CRPPA: variants seen among roughly 807,000 people sequenced by gnomAD.
The protein encoded by CRPPA is CDP-L-ribitol pyrophosphorylase A, also known as D-ribitol-5-phosphate cytidylyltransferase.
A neutral mutation model predicts 52.0 loss-of-function variants in CRPPA; 43 were observed. The observed-to-expected ratio is 0.83, with a 90% CI of 0.65 to 1.07. The LOEUF is 1.07. Among genes scored for constraint, CRPPA ranks in the 50% least tolerant of loss-of-function variants. The pLI, the probability that CRPPA is intolerant of heterozygous loss-of-function variation, is 0.00. For synonymous variants in CRPPA, 250 were observed against 203.5 expected, an observed-to-expected ratio of 1.23 and a Z score of -1.94; for missense variants, 629 against 551.7, an observed-to-expected ratio of 1.14 and a Z score of -1.40.
chr7:16,303,635 G>C (rs10255803), intron 4 of CRPPA, among the ~76,000 whole-genome samples: 1 of 151,860 alleles, frequency 6.6e-6, no homozygotes, highest in Non-Finnish European at 1.5e-5. Flanking sequence ...ATTAGGTATA[G>C]ATTTTTCAGA....
intron 8 of CRPPA, among the ~76,000 whole-genome samples, chr7:16,242,094 A>G (rs1402585076): frequency 6.6e-6 from 1 of 151,212 alleles, no homozygotes; most frequent in Admixed American, 6.6e-5. Context: ...GGATGGAACT[A>G]CAGGCACCCG....
intron 8 of CRPPA, among the ~76,000 whole-genome samples, chr7:16,239,981 G>C (rs1783061839): frequency 6.6e-6 from 1 of 151,928 alleles, no homozygotes; most frequent in African/African-American, 2.4e-5. Flanking sequence ...ATGAATACTA[G>C]CGAGGTATGC....
At chr7:16,211,627 C>A (rs1782143824) in intron 9 of CRPPA, among the ~76,000 whole-genome samples, 1 of 152,094 alleles carries the variant, frequency 6.6e-6, no homozygotes, top group Non-Finnish European at 1.5e-5. Context: ...CATTTGTTCT[C>A]CAAAGGATCA....
At position 16,089,649 on chromosome 7, in the gene CRPPA, A is replaced by G. The variant is rs1383934893; in HGVS notation, c.*2046T>C. 1 of 200,362 alleles carries G rather than the reference A, an allele frequency of 5.0e-6. No individual in the cohort carries two copies. The highest frequency in any genetic ancestry group is 1.1e-4 in the East Asian group (1 of 8,934). 12.4% of individuals were successfully genotyped at this position (200,362 alleles called of 1,614,324 possible). A position where few individuals can be genotyped will look rare whatever the true frequency, so the allele number is the denominator to read the frequency against. On this transcript the variant is annotated 3_prime_UTR_variant, in exon 10 of 10. Transcript: ENST00000407010. Reference sequence around the variant, plus strand: ...TGTATGTATGTATTTTTTTTTCCCAATGCTGTGAATTGCTTTGCCTGCTAT... The same window carrying G: ...TGTATGTATGTATTTTTTTTTCCCAGTGCTGTGAATTGCTTTGCCTGCTAT...
intron 3 of CRPPA, among the ~76,000 whole-genome samples, chr7:16,368,138 T>C (rs938403810): frequency 3.9e-5 from 6 of 152,214 alleles, no homozygotes; most frequent in Non-Finnish European, 7.3e-5. Context: ...AAAAAGCTTC[T>C]TTGTATAATA....
chr7:16,339,909 A>T (rs1785778743), intron 3 of CRPPA, among the ~76,000 whole-genome samples: 1 of 152,148 alleles, frequency 6.6e-6, no homozygotes, highest in Admixed American at 6.5e-5. Flanking sequence ...TTGGTTTAAA[A>T]AAAAGTAGGT....
intron 8 of CRPPA, among the ~76,000 whole-genome samples, chr7:16,241,223 C>T (rs1031906731): frequency 6.6e-6 from 1 of 151,870 alleles, no homozygotes; most frequent in Non-Finnish European, 1.5e-5. Context: ...CTGACCTGTT[C>T]AAATACTAAA....
chr7:16,149,141 A>C (rs920239648), intron 9 of CRPPA, among the ~76,000 whole-genome samples: 1 of 152,212 alleles, frequency 6.6e-6, no homozygotes, highest in Admixed American at 6.5e-5. Flanking sequence ...ATGAATATAC[A>C]TATGGTTTGT....
rs960909602 is a variant in CRPPA, at chr7:16,133,503, C to T, written c.1252-41704G>A. ...TCATAGCCACCTCCTGTTGCTATTT[C>T]AGTGGGCTCGAATGTTGCAAGTATC... is the stretch of plus-strand genomic sequence containing the variant. On this transcript the variant is annotated intron_variant, in intron 9 of 9. Transcript: ENST00000407010. Among the ~76,000 whole-genome samples, 8 of 124,360 alleles carry T rather than the reference C, an allele frequency of 6.4e-5. 4 individuals are homozygous for T. Among genetic ancestry groups the T allele is most frequent in the Non-Finnish European group, 1.1e-4 (6 of 54,702 alleles). The allele number at this position is 124,360 out of a possible 152,430, so 81.6% of individuals were successfully genotyped here. A position where few individuals can be genotyped will look rare whatever the true frequency, so the allele number is the denominator to read the frequency against.
intron 9 of CRPPA, among the ~76,000 whole-genome samples, chr7:16,094,062 C>T (rs1781889724): frequency 1.3e-5 from 2 of 152,160 alleles, no homozygotes; most frequent in Non-Finnish European, 2.9e-5. Context: ...AATCACATTT[C>T]TATATCTTAC....
At chr7:16,249,241 G>T (rs1452819967) in intron 8 of CRPPA, among the ~76,000 whole-genome samples, 1 of 152,142 alleles carries the variant, frequency 6.6e-6, no homozygotes, top group Admixed American at 6.6e-5. Flanking sequence ...GGGGCTTATA[G>T]ATAAAACCCC....
intron 1 of CRPPA, among the ~76,000 whole-genome samples, chr7:16,415,772 A>G (rs1474226741): frequency 6.6e-6 from 1 of 152,184 alleles, no homozygotes; most frequent in East Asian, 1.9e-4. Flanking sequence ...TTCTGTAGCC[A>G]TACATTTTTA....
intron 3 of CRPPA, among the ~76,000 whole-genome samples, chr7:16,324,854 A>C (rs1224667678): frequency 6.6e-6 from 1 of 152,214 alleles, no homozygotes; most frequent in Non-Finnish European, 1.5e-5. Context: ...AAATGAGATA[A>C]TGTACTTGTA....
chr7:16,155,603 C>T (rs1783163461), intron 9 of CRPPA, among the ~76,000 whole-genome samples: 1 of 152,166 alleles, frequency 6.6e-6, no homozygotes, highest in African/African-American at 2.4e-5. Flanking sequence ...ATTTTCTCTT[C>T]CTTGTGATTT....
At chr7:16,359,748 C>A (rs1040204613) in intron 3 of CRPPA, among the ~76,000 whole-genome samples, 5 of 152,184 alleles carry the variant, frequency 3.3e-5, no homozygotes, top group Non-Finnish European at 7.4e-5. Flanking sequence ...CTTTTAACTA[C>A]TGCTTATGAG....
chr7:16,101,946 G>C (rs1782054349), intron 9 of CRPPA, among the ~76,000 whole-genome samples: 1 of 151,982 alleles, frequency 6.6e-6, no homozygotes, highest in African/African-American at 2.4e-5. Context: ...CACAGAATTA[G>C]AAAAAACTAC....
chr7:16,146,214 A>G (rs993482307), intron 9 of CRPPA, among the ~76,000 whole-genome samples: 1 of 152,018 alleles, frequency 6.6e-6, no homozygotes, highest in Non-Finnish European at 1.5e-5. Context: ...AACCAAAAAA[A>G]AAAAACCTAC....
chr7:16,117,212 TTC>T (rs1036452697), intron 9 of CRPPA, among the ~76,000 whole-genome samples: 1 of 152,208 alleles, frequency 6.6e-6, no homozygotes, highest in Admixed American at 6.5e-5. Context: ...AATCGGTTGT[TTC>T]TCTCTCTTTA....
intron 8 of CRPPA, among the ~76,000 whole-genome samples, chr7:16,219,136 T>A (rs1253443849): frequency 2.0e-5 from 3 of 151,794 alleles, no homozygotes; most frequent in East Asian, 1.9e-4. Context: ...GGATTAAGAA[T>A]CTCACTCAAA....
Sources: allele counts gnomAD v4.1 joint callset (sites outside exome capture counted in the v4.1 genomes callset), GRCh38; gene constraint gnomAD v4.1.1; transcripts MANE v1.5; gene names NCBI Gene and HGNC (gene_info 2026-07-23, HGNC 2026-07-21).